PID1: variants seen among roughly 807,000 people sequenced by gnomAD.
PID1 encodes the protein phosphotyrosine interaction domain containing 1.
A neutral mutation model predicts 19.1 loss-of-function variants in PID1; 10 were observed. The observed-to-expected ratio is 0.52, with a 90% confidence interval of 0.32 to 0.89. PID1 has a LOEUF of 0.89. Among genes scored for constraint, PID1 ranks in the 40% least tolerant of loss-of-function variants. The pLI is 0.03. For synonymous variants in PID1, 130 were observed against 116.0 expected (o/e 1.12, Z -0.78); for missense variants, 248 against 285.3 (o/e 0.87, Z 0.94).
chr2:229,215,121 C>T (rs1270537888), intron 1 of PID1, among the ~76,000 whole-genome samples: 1 of 152,220 alleles, frequency 6.6e-6, no homozygotes, highest in African/African-American at 2.4e-5. Flanking sequence ...CATCCATCAG[C>T]ATAGGCTTTA....
chr2:229,202,244 A>G (rs1691513668), intron 1 of PID1, among the ~76,000 whole-genome samples: 1 of 152,024 alleles, frequency 6.6e-6, no homozygotes, highest in Admixed American at 6.6e-5. Context: ...TCTTATCGCT[A>G]CTCTGCAAAA....
intron 2 of PID1, among the ~76,000 whole-genome samples, chr2:229,048,916 A>G (rs1411190825): frequency 6.6e-6 from 1 of 152,158 alleles, no homozygotes. Context: ...GACCTGAGAA[A>G]TTAAATGCAA....
intron 1 of PID1, among the ~76,000 whole-genome samples, chr2:229,230,387 G>T (rs192628768): frequency 9.2e-4 from 140 of 152,330 alleles, no homozygotes; most frequent in African/African-American, 3.0e-3. Context: ...GTTTTAAAGT[G>T]CTGAGATTCT....
At chr2:229,174,951 C>G (rs1169733618) in intron 1 of PID1, among the ~76,000 whole-genome samples, 2 of 152,148 alleles carry the variant, frequency 1.3e-5, no homozygotes, top group Non-Finnish European at 2.9e-5. Flanking sequence ...TTGCTGAACA[C>G]TAAGCCTTGG....
chr2:229,205,219 ACACACAAT>A (rs1309165273), intron 1 of PID1, among the ~76,000 whole-genome samples: 1 of 151,602 alleles, frequency 6.6e-6, no homozygotes, highest in East Asian at 2.0e-4. Context: ...CATGCTACAC[ACACACAAT>A]CACACATACA....
At chr2:229,227,725 G>T (rs1692109971) in intron 1 of PID1, among the ~76,000 whole-genome samples, 1 of 152,130 alleles carries the variant, frequency 6.6e-6, no homozygotes, top group African/African-American at 2.4e-5. Context: ...GTACCTGTGG[G>T]TTCTGCATCA....
At chr2:229,244,264 C>G (rs1329720267) in intron 1 of PID1, among the ~76,000 whole-genome samples, 1 of 152,098 alleles carries the variant, frequency 6.6e-6, no homozygotes, top group East Asian at 1.9e-4. Context: ...TACCCAGTAG[C>G]CTTTTTCCAG....
chr2:229,129,615 A>T (rs1200100471), intron 2 of PID1, among the ~76,000 whole-genome samples: 1 of 152,222 alleles, frequency 6.6e-6, no homozygotes, highest in Non-Finnish European at 1.5e-5. Context: ...CAAATTGCTT[A>T]GAAAGCATTT....
chr2:229,055,485 A>G (rs139588931), intron 2 of PID1, among the ~76,000 whole-genome samples: 113 of 152,324 alleles, frequency 7.4e-4, no homozygotes, highest in African/African-American at 2.6e-3. Context: ...AAAAAGATAA[A>G]AAGTGGAGTT....
chr2:229,182,592 C>T (rs145959159), intron 1 of PID1, among the ~76,000 whole-genome samples: 43 of 152,260 alleles, frequency 2.8e-4, no homozygotes, highest in African/African-American at 9.9e-4. Context: ...AGACAGGGAC[C>T]TCAGCCCATT....
At chr2:229,089,500 A>G (rs1694829394) in intron 2 of PID1, among the ~76,000 whole-genome samples, 1 of 152,192 alleles carries the variant, frequency 6.6e-6, no homozygotes, top group African/African-American at 2.4e-5. Context: ...ATTTCCCTCA[A>G]GTGAGTGATT....
At chr2:229,148,260 C>T (rs963252018) in intron 2 of PID1, among the ~76,000 whole-genome samples, 2 of 152,292 alleles carry the variant, frequency 1.3e-5, no homozygotes, top group Admixed American at 6.5e-5. Context: ...TTTGGACCTG[C>T]GGTGAAGAAG....
intron 2 of PID1, among the ~76,000 whole-genome samples, chr2:229,130,514 T>C (rs1045285031): frequency 2.0e-5 from 3 of 152,224 alleles, no homozygotes; most frequent in Non-Finnish European, 4.4e-5. Flanking sequence ...AGTGGTGATT[T>C]GAACAGCCAC....
chr2:229,214,873 C>T (rs1325152174), intron 1 of PID1, among the ~76,000 whole-genome samples: 1 of 152,088 alleles, frequency 6.6e-6, no homozygotes, highest in East Asian at 1.9e-4. Context: ...CACACACACA[C>T]ACAAATATAT....
intron 2 of PID1, among the ~76,000 whole-genome samples, chr2:229,134,582 G>A (rs1689821255): frequency 6.6e-6 from 1 of 151,908 alleles, no homozygotes; most frequent in Admixed American, 6.6e-5. Context: ...CGTGAACATT[G>A]TTGAAAAATG....
chr2:229,094,089 TA>T (rs61123241), intron 2 of PID1, among the ~76,000 whole-genome samples: 1 of 152,114 alleles, frequency 6.6e-6, no homozygotes, highest in Non-Finnish European at 1.5e-5. Context: ...ATACATTCAG[TA>T]AAGTCTCAGG....
chr2:229,196,796 T>C (rs1259324179), intron 1 of PID1, among the ~76,000 whole-genome samples: 2 of 152,062 alleles, frequency 1.3e-5, no homozygotes, highest in Non-Finnish European at 2.9e-5. Context: ...ACTAATAATA[T>C]TTACCTCTGA....
intron 1 of PID1, among the ~76,000 whole-genome samples, chr2:229,160,263 C>G (rs1160827642): frequency 6.6e-6 from 1 of 152,156 alleles, no homozygotes; most frequent in Non-Finnish European, 1.5e-5. Flanking sequence ...TTGATTCAGT[C>G]ACTAAGCAAA....
intron 1 of PID1, among the ~76,000 whole-genome samples, chr2:229,157,258 T>A (rs751266886): frequency 3.9e-5 from 6 of 151,974 alleles, no homozygotes; most frequent in Non-Finnish European, 7.4e-5. Context: ...GGTGAAACCC[T>A]GTCTCTACTA....
Sources: gnomAD v4.1 joint callset for allele counts (sites outside exome capture counted in the v4.1 genomes callset) on GRCh38, gnomAD v4.1.1 for gene constraint, MANE v1.5 for transcripts, NCBI Gene and HGNC (gene_info 2026-07-23, HGNC 2026-07-21) for gene names.